LRRC7: variants seen among roughly 807,000 people sequenced by gnomAD.
LRRC7 encodes the protein leucine rich repeat containing 7, also known as leucine-rich repeat-containing protein 7.
Under a neutral mutation model 175.7 loss-of-function variants are expected in LRRC7, and 23 were observed. The observed-to-expected ratio is 0.13, with a 90% CI of 0.09 to 0.19. The LOEUF is 0.19. Ranked by LOEUF, LRRC7 falls within the 10% of genes least tolerant of loss-of-function variation. The pLI, the probability that LRRC7 is intolerant of heterozygous loss-of-function variation, is 1.00. For missense variants in LRRC7, 1,354 were observed against 1,904.7 expected, an observed-to-expected ratio of 0.71 and a Z score of 5.38; for synonymous variants, 685 against 680.9, an observed-to-expected ratio of 1.01 and a Z score of -0.09.
intron 7 of LRRC7, among the ~76,000 whole-genome samples, chr1:69,916,109 T>TATATATTATATACATATTTTGTATATATA (rs1646691138): frequency 1.6e-3 from 32 of 20,220 alleles, no homozygotes; most frequent in East Asian, 5.7e-3. Flanking sequence ...TTATATATAA[T>TATATATTATATACATATTTTGTATATATA]ATATATATTA....
At chr1:70,062,710 G>GA (rs1245164131) in intron 23 of LRRC7, among the ~76,000 whole-genome samples, 1 of 151,962 alleles carries the variant, frequency 6.6e-6, no homozygotes, top group East Asian at 1.9e-4. Context: ...AAAAGGGTTT[G>GA]AAAAAATCAA....
At chr1:69,797,521 T>C (rs532901253) in intron 4 of LRRC7, among the ~76,000 whole-genome samples, 10 of 152,322 alleles carry the variant, frequency 6.6e-5, no homozygotes, top group Admixed American at 2.0e-4. Context: ...CAAAAATTCA[T>C]TCTCTTCTTC....
intron 1 of LRRC7, among the ~76,000 whole-genome samples, chr1:69,575,261 A>G (rs1645899078): frequency 6.6e-6 from 1 of 152,150 alleles, no homozygotes; most frequent in Non-Finnish European, 1.5e-5. Flanking sequence ...ACACCCTTGG[A>G]ACTACTGGGG....
intron 1 of LRRC7, among the ~76,000 whole-genome samples, chr1:69,663,151 T>C (rs1657732462): frequency 6.6e-6 from 1 of 152,102 alleles, no homozygotes; most frequent in South Asian, 2.1e-4. Context: ...TTTTAATTCC[T>C]TTTTTTATTT....
At chr1:69,640,982 A>G (rs1162549978) in intron 1 of LRRC7, among the ~76,000 whole-genome samples, 1 of 151,710 alleles carries the variant, frequency 6.6e-6, no homozygotes, top group African/African-American at 2.4e-5. Flanking sequence ...TGATTCAGGA[A>G]ACAAAAAAGT....
In LRRC7 at chr1:69,996,406, G is replaced by T. The variant is rs546011385; in HGVS notation, c.1004+1773G>T. The stretch of plus-strand genomic sequence containing the variant: ...TTGCTGTGCAGAAGCTCTTTAATTA[G>T]ATCCCATTTGTCAATTTTGTCTTTT... On this transcript the variant is annotated intron_variant, in intron 11 of 26. Transcript: ENST00000651989. 3.1e-3 allele frequency among the ~76,000 whole-genome samples: 470 copies of T among 151,874 alleles called. 2 individuals are homozygous for T. Among genetic ancestry groups the T allele is most frequent in the Non-Finnish European group, 4.7e-3 (319 of 67,872 alleles).
At chr1:69,763,023 C>A (rs1192113936) in intron 3 of LRRC7, among the ~76,000 whole-genome samples, 2 of 151,776 alleles carry the variant, frequency 1.3e-5, no homozygotes, top group South Asian at 2.1e-4. Flanking sequence ...ATCTAATGAT[C>A]TGATATTGAG....
chr1:69,597,788 C>A (rs1263861558), intron 1 of LRRC7, among the ~76,000 whole-genome samples: 1 of 152,152 alleles, frequency 6.6e-6, no homozygotes, highest in Non-Finnish European at 1.5e-5. Context: ...TTACGTGTAA[C>A]TTCAAAATAG....
intron 19 of LRRC7, 83 bp from the exon 20 acceptor site, chr1:70,036,361 G>T (rs1176690422): frequency 1.4e-6 from 2 of 1,440,678 alleles, no homozygotes; most frequent in Non-Finnish European, 1.9e-6. Context: ...ACCTTAATCG[G>T]TATGGTTTCC....
At chr1:69,997,107 T>A (rs1213998689) in intron 11 of LRRC7, among the ~76,000 whole-genome samples, 2 of 152,144 alleles carry the variant, frequency 1.3e-5, no homozygotes, top group African/African-American at 2.4e-5. Flanking sequence ...CTTGAAGAGG[T>A]CCTTCACATC....
intron 7 of LRRC7, chr1:69,919,711 C>A (rs1191034980): frequency 2.0e-6 from 2 of 1,010,122 alleles, no homozygotes; most frequent in Non-Finnish European, 3.1e-6. Context: ...CCAGGGGAGA[C>A]CTGGGTGCCT....
intron 1 of LRRC7, among the ~76,000 whole-genome samples, chr1:69,611,515 A>G (rs1479336506): frequency 1.3e-5 from 2 of 152,034 alleles, no homozygotes; most frequent in South Asian, 2.1e-4. Flanking sequence ...TTTAGCCACA[A>G]CATGTTCATT....
At chr1:69,716,081 G>C in intron 2 of LRRC7, 1 of 403,734 alleles carries the variant, frequency 2.5e-6, no homozygotes. Context: ...TCATTTAGAT[G>C]CATTTGTCAA....
intron 8 of LRRC7, among the ~76,000 whole-genome samples, chr1:69,951,164 G>A (rs911068965): frequency 6.6e-6 from 1 of 150,730 alleles, no homozygotes; most frequent in African/African-American, 2.4e-5. Context: ...CATACATGCG[G>A]CCAACAAACA....
intron 2 of LRRC7, among the ~76,000 whole-genome samples, chr1:69,757,902 C>A (rs1330227136): frequency 6.6e-6 from 1 of 151,376 alleles, no homozygotes; most frequent in Non-Finnish European, 1.5e-5. Flanking sequence ...TCTTTCAAGA[C>A]CCTCCCCTCT....
intron 3 of LRRC7, among the ~76,000 whole-genome samples, chr1:69,784,209 T>A (rs1674134045): frequency 6.6e-6 from 1 of 152,078 alleles, no homozygotes. Context: ...ATTTTAAGAT[T>A]ATTAAACCTG....
chr1:69,680,678 CA>C (rs1660367600), intron 2 of LRRC7, among the ~76,000 whole-genome samples: 1 of 149,482 alleles, frequency 6.7e-6, no homozygotes, highest in South Asian at 2.1e-4. Context: ...AAAAAAGCCA[CA>C]ATTTTTTTTT....
At chr1:69,978,432 C>T (rs1557951129) in intron 8 of LRRC7, among the ~76,000 whole-genome samples, 1 of 152,210 alleles carries the variant, frequency 6.6e-6, no homozygotes. Context: ...GTGCTCCCTA[C>T]ACATGATTTA....
At chr1:69,592,938 A>C (rs922729286) in intron 1 of LRRC7, among the ~76,000 whole-genome samples, 1 of 152,068 alleles carries the variant, frequency 6.6e-6, no homozygotes, top group Non-Finnish European at 1.5e-5. Flanking sequence ...AATATCTAAA[A>C]GTTTTTAGCA....
Sources: gnomAD v4.1 joint callset for allele counts (sites outside exome capture counted in the v4.1 genomes callset) on GRCh38, gnomAD v4.1.1 for gene constraint, MANE v1.5 for transcripts, NCBI Gene and HGNC (gene_info 2026-07-23, HGNC 2026-07-21) for gene names.